Variants in NAV3 observed in about 807,000 individuals in gnomAD.
The protein encoded by NAV3 is neuron navigator 3, also known as pore membrane and/or filament interacting like protein 1.
Under a neutral mutation model 244.7 loss-of-function variants are expected in NAV3, and 87 were observed. That is an observed-to-expected ratio of 0.36 (90% confidence interval 0.30 to 0.42). The LOEUF (loss-of-function observed/expected upper bound fraction) is 0.42, where lower values mean the gene tolerates loss of function less well. Ranked by LOEUF, NAV3 falls within the 20% of genes least tolerant of loss-of-function variation. The probability of loss-of-function intolerance (pLI) is 1.00; values close to 1 mark genes in which losing one functional copy is unlikely to be tolerated. For missense variants in NAV3, 2,663 were observed against 2,893.3 expected (o/e 0.92, Z 1.83); for synonymous variants, 1,126 against 1,042.2 (o/e 1.08, Z -1.55).
At chr12:77,672,104 T>C (rs1455481324) in intron 2 of NAV3, among the ~76,000 whole-genome samples, 2 of 151,934 alleles carry the variant, frequency 1.3e-5, no homozygotes, top group African/African-American at 4.8e-5. Flanking sequence ...AGGACATGAA[T>C]AGACAATTCT....
intron 1 of NAV3, among the ~76,000 whole-genome samples, chr12:77,916,133 C>T (rs1677900): frequency 0.11 from 16,796 of 151,976 alleles, 1,069 homozygotes; most frequent in South Asian, 0.2. Context: ...TATTTGGATA[C>T]TGGTGAAAGA....
chr12:77,755,649 C>T (rs1869129682), intron 2 of NAV3, among the ~76,000 whole-genome samples: 1 of 132,782 alleles, frequency 7.5e-6, no homozygotes, highest in African/African-American at 3.0e-5. Flanking sequence ...TTCCTTCCTT[C>T]CTTCCTTCCA....
chr12:78,102,065 A>G (rs1954563356), intron 12 of NAV3, among the ~76,000 whole-genome samples: 1 of 152,194 alleles, frequency 6.6e-6, no homozygotes, highest in South Asian at 2.1e-4. Context: ...TGAAAACAAG[A>G]AACATACCCA....
chr12:78,026,686 C>A, intron 9 of NAV3, among the ~76,000 whole-genome samples: 1 of 152,050 alleles, frequency 6.6e-6, no homozygotes, highest in Middle Eastern at 3.4e-3. Context: ...ACTAAGATAC[C>A]CTAGAATAAT....
chr12:77,891,370 A>G (rs1464391308), intron 1 of NAV3, among the ~76,000 whole-genome samples: 1 of 151,388 alleles, frequency 6.6e-6, no homozygotes, highest in Non-Finnish European at 1.5e-5. Flanking sequence ...ATACTAACTC[A>G]GTAAATGTTT....
Position 77,885,022 on chromosome 12 carries a change from T to C in NAV3, c.243+53318T>C, listed in dbSNP as rs555443295. Among the ~76,000 whole-genome samples the C allele has an allele frequency of 8.4e-4, 128 of 152,254 alleles. 1 individual carries two copies. Among genetic ancestry groups the C allele is most frequent in the African/African-American group, 2.7e-3 (112 of 41,566 alleles). ...GAGCATTTCTGGAATCTCATCTTTA[T>C]TGTTGGAAGAGTCTACATTCATGGA... On this transcript the variant is annotated intron_variant, in intron 1 of 39. Coordinates refer to ENST00000397909, the MANE Select transcript of NAV3 (RefSeq NM_001024383.2).
At chr12:78,110,277 AAATT>A (rs1014696059) in intron 12 of NAV3, among the ~76,000 whole-genome samples, 3 of 152,096 alleles carry the variant, frequency 2.0e-5, no homozygotes, top group African/African-American at 7.2e-5. Flanking sequence ...CTGATGAAAG[AAATT>A]AAGGATTAAA....
At chr12:77,670,014 G>A (rs1873893713) in intron 2 of NAV3, among the ~76,000 whole-genome samples, 1 of 151,954 alleles carries the variant, frequency 6.6e-6, no homozygotes, top group Admixed American at 6.6e-5. Flanking sequence ...ACAAAAAGCT[G>A]GTTCTTTCAA....
intron 18 of NAV3, among the ~76,000 whole-genome samples, chr12:78,134,168 C>G (rs1056512483): frequency 9.9e-5 from 15 of 152,172 alleles, no homozygotes; most frequent in East Asian, 1.9e-4. Context: ...CTTTTGTACT[C>G]AAATCTTCCT....
At chr12:77,575,927 G>A (rs1320183499) in intron 2 of NAV3, among the ~76,000 whole-genome samples, 2 of 152,130 alleles carry the variant, frequency 1.3e-5, no homozygotes, top group Non-Finnish European at 1.5e-5. Flanking sequence ...GCTGTATTCC[G>A]TAAACCGGAA....
chr12:77,835,817 A>G (rs1357484867), intron 1 of NAV3, among the ~76,000 whole-genome samples: 1 of 152,216 alleles, frequency 6.6e-6, no homozygotes, highest in East Asian at 1.9e-4. Flanking sequence ...GTCTTCATTC[A>G]GGCATTCTTG....
chr12:77,886,998 A>T (rs1016329701), intron 1 of NAV3, among the ~76,000 whole-genome samples: 7 of 152,136 alleles, frequency 4.6e-5, no homozygotes, highest in Admixed American at 3.9e-4. Flanking sequence ...TGTTCACTAA[A>T]CAAACATGAA....
intron 2 of NAV3, among the ~76,000 whole-genome samples, chr12:77,693,754 CT>C (rs1875148735): frequency 6.6e-6 from 1 of 152,030 alleles, no homozygotes; most frequent in South Asian, 2.1e-4. Flanking sequence ...TAAAAGACCC[CT>C]TTTTTCCTCT....
intron 2 of NAV3, among the ~76,000 whole-genome samples, chr12:77,742,130 C>A (rs1237007931): frequency 1.3e-5 from 2 of 151,896 alleles, no homozygotes; most frequent in Non-Finnish European, 2.9e-5. Flanking sequence ...ATTAGTGATC[C>A]ATTTTTCATC....
At chr12:78,168,488 G>T (rs2139551106) in intron 23 of NAV3, among the ~76,000 whole-genome samples, 1 of 151,608 alleles carries the variant, frequency 6.6e-6, no homozygotes, top group Non-Finnish European at 1.5e-5. Context: ...GTGAGTTCTG[G>T]GTGCCACCTT....
Position 78,210,703 on chromosome 12 carries a change from A to T in NAV3, c.*186A>T. The T allele has an allele frequency of 3.1e-6, 2 of 641,360 alleles. No homozygotes were observed. Among genetic ancestry groups the T allele is most frequent in the South Asian group, 4.2e-5 (2 of 47,944 alleles). 39.7% of individuals were successfully genotyped at this position (641,360 alleles called of 1,614,324 possible). On this transcript the variant is annotated 3_prime_UTR_variant, in exon 40 of 40. Transcript: ENST00000397909. ...AGATGCTAAATTGCAATGGAAGCTT[A>T]ACTTTAGTTTATTTCTAAGCATTTT...
chr12:77,782,641 T>G (rs898377325), intron 2 of NAV3, among the ~76,000 whole-genome samples: 1 of 152,108 alleles, frequency 6.6e-6, no homozygotes, highest in Non-Finnish European at 1.5e-5. Context: ...ATTCAAACCT[T>G]TTTACACAGT....
At chr12:77,957,101 G>A (rs941153804) in intron 3 of NAV3, among the ~76,000 whole-genome samples, 11 of 152,100 alleles carry the variant, frequency 7.2e-5, no homozygotes, top group Admixed American at 5.9e-4. Context: ...TATCTGTAGT[G>A]GAAATTAATA....
intron 9 of NAV3, among the ~76,000 whole-genome samples, chr12:78,027,912 A>G (rs1375912700): frequency 6.6e-6 from 1 of 151,944 alleles, no homozygotes; most frequent in Non-Finnish European, 1.5e-5. Context: ...AGATACCCCT[A>G]TGGGTAACAG....
Sources: allele counts gnomAD v4.1 joint callset (sites outside exome capture counted in the v4.1 genomes callset), GRCh38; gene constraint gnomAD v4.1.1; transcripts MANE v1.5; gene names NCBI Gene and HGNC (gene_info 2026-07-23, HGNC 2026-07-21).